The following TLK1 variants were observed in gnomAD, a reference collection of about 807,000 sequenced individuals.
The protein encoded by TLK1 is serine/threonine-protein kinase tousled-like 1.
A neutral mutation model predicts 105.3 loss-of-function variants in TLK1; 24 were observed. The observed-to-expected ratio is 0.23, with a 90% confidence interval of 0.17 to 0.32. TLK1 has a LOEUF of 0.32. TLK1 is among the 10% of genes least tolerant of loss of function. The probability of loss-of-function intolerance (pLI) is 1.00; values close to 1 mark genes in which losing one functional copy is unlikely to be tolerated. For synonymous variants in TLK1, 321 were observed against 310.4 expected (o/e 1.03, Z -0.36); for missense variants, 558 against 910.5 (o/e 0.61, Z 4.98).
At chr2:171,160,991 G>T (rs1692477877), upstream of TLK1, 2 of 193,240 alleles carry the variant, frequency 1.0e-5, no homozygotes, top group Non-Finnish European at 2.0e-5. This position sits in a 1 kb window ranked among gnomAD's most constrained non-coding sequence, Gnocchi z 4.4. Flanking sequence ...GGCGGCGGCA[G>T]CGGCGGCCGC....
intron 1 of TLK1, among the ~76,000 whole-genome samples, chr2:171,211,533 T>C (rs557610288): frequency 1.3e-5 from 2 of 151,236 alleles, no homozygotes; most frequent in South Asian, 4.2e-4. Flanking sequence ...ATGTATCTAG[T>C]GATATCTGAG....
At chr2:171,009,856 A>C (rs1032714567) in intron 14 of TLK1, among the ~76,000 whole-genome samples, 1 of 152,226 alleles carries the variant, frequency 6.6e-6, no homozygotes, top group African/African-American at 2.4e-5. Flanking sequence ...GCCAGTACGT[A>C]ATGAAGCACA....
intron 11 of TLK1, among the ~76,000 whole-genome samples, chr2:171,030,887 T>G (rs940986680): frequency 6.6e-6 from 1 of 152,162 alleles, no homozygotes; most frequent in East Asian, 1.9e-4. Flanking sequence ...TTGGCTATCA[T>G]GTATAACTGC....
At chr2:171,020,529 G>A (rs1423677864) in intron 12 of TLK1, among the ~76,000 whole-genome samples, 1 of 146,424 alleles carries the variant, frequency 6.8e-6, no homozygotes, top group Non-Finnish European at 1.5e-5. Flanking sequence ...GACACAGCGA[G>A]ACTGTCTAAA....
chr2:171,001,798 GAAT>G (rs1291139590), intron 18 of TLK1, among the ~76,000 whole-genome samples: 2 of 151,942 alleles, frequency 1.3e-5, no homozygotes, highest in Admixed American at 1.3e-4. Flanking sequence ...ATTCATGAAT[GAAT>G]GAGACCGAAT....
chr2:171,051,549 G>A (rs1401606610), intron 8 of TLK1, among the ~76,000 whole-genome samples: 1 of 152,110 alleles, frequency 6.6e-6, no homozygotes, highest in Non-Finnish European at 1.5e-5. Flanking sequence ...TGTGACCTTT[G>A]AGATATAAGC....
chr2:171,139,738 T>C lies in TLK1; in HGVS notation c.139+20552A>G, dbSNP rs574086842. Among the ~76,000 whole-genome samples, 112 of 141,588 alleles carry C rather than the reference T, an allele frequency of 7.9e-4. 1 individual carries two copies. The highest frequency in any genetic ancestry group is 8.7e-4 in the Non-Finnish European group (57 of 65,862). The allele number at this position is 141,588 out of a possible 152,430, so 92.9% of individuals were successfully genotyped here. The stretch of plus-strand genomic sequence containing the variant: ...AAGTTGGTCCTATTCAAACTCTGTA[T>C]ATAACCCAGTGGTCCCCAACCTTTT... On this transcript the variant is annotated intron_variant, in intron 1 of 20. Transcript: ENST00000431350.
chr2:171,018,566 T>C (rs1233431796), intron 12 of TLK1, among the ~76,000 whole-genome samples: 2 of 152,288 alleles, frequency 1.3e-5, no homozygotes, highest in Middle Eastern at 3.4e-3. Flanking sequence ...TCAGAAATAA[T>C]CTTTTTCCAA....
In TLK1 at chr2:170,993,876, G is replaced by C; in HGVS notation, c.2205C>G (p.Leu735=). The C allele has an allele frequency of 1.9e-6, 3 of 1,613,028 alleles. No homozygotes were observed. Among genetic ancestry groups the C allele is most frequent in the East Asian group, 2.2e-5 (1 of 44,796 alleles). Residue 735 remains leucine, a synonymous_variant, in exon 21 of 21, where the codon CTC becomes CTG. Transcript: ENST00000431350. ...VHQLANDPYL[L]PHMRRSNSSG... Reference sequence around the variant, plus strand: ...AAGAATTTGATCTTCTCATGTGTGGGAGAAGGTATGGGTCATTTGCCAGCT... The same window carrying C: ...AAGAATTTGATCTTCTCATGTGTGGCAGAAGGTATGGGTCATTTGCCAGCT...
chr2:171,132,913 T>G (rs1308733274), intron 1 of TLK1, among the ~76,000 whole-genome samples: 2 of 152,150 alleles, frequency 1.3e-5, no homozygotes, highest in Non-Finnish European at 2.9e-5. Context: ...CACCACACAG[T>G]TAACTCTCAG....
intron 18 of TLK1, 63 bp downstream of exon 18, chr2:171,006,084 A>G (rs1684639473): frequency 7.0e-7 from 1 of 1,422,498 alleles, no homozygotes; most frequent in Middle Eastern, 1.9e-4. Context: ...AAAAAACACT[A>G]AATTATTATA....
chr2:171,219,209 G>A (rs1575663302), intron 1 of TLK1, among the ~76,000 whole-genome samples: 1 of 152,180 alleles, frequency 6.6e-6, no homozygotes, highest in African/African-American at 2.4e-5. Flanking sequence ...CCAAAAGCAA[G>A]GTGTTGGCAG....
intron 7 of TLK1, chr2:171,054,853 TA>T: frequency 3.3e-6 from 1 of 307,246 alleles, no homozygotes. Flanking sequence ...AAAGAATCAG[TA>T]AACAGAACTG....
chr2:171,079,651 T>C (rs1429487927), intron 3 of TLK1, among the ~76,000 whole-genome samples: 1 of 152,222 alleles, frequency 6.6e-6, no homozygotes, highest in Non-Finnish European at 1.5e-5. Flanking sequence ...GGAAAAACTT[T>C]TTCATTCTAT....
intron 2 of TLK1, among the ~76,000 whole-genome samples, chr2:171,088,218 G>T (rs1689067497): frequency 6.6e-6 from 1 of 152,148 alleles, no homozygotes. Flanking sequence ...AGCAGTCCCA[G>T]CTACTCAGGA....
chr2:171,007,158 G>C, intron 14 of TLK1, 95 bp from the exon 15 acceptor site: 1 of 938,644 alleles, frequency 1.1e-6, no homozygotes, highest in Non-Finnish European at 1.6e-6. Flanking sequence ...CAATAATATG[G>C]AATTAGGACA....
chr2:171,038,788 A>G (rs7593186), intron 11 of TLK1, among the ~76,000 whole-genome samples: 27,650 of 152,162 alleles, frequency 0.18, 2,938 homozygotes, highest in Non-Finnish European at 0.24. Flanking sequence ...TTAAAAGAAC[A>G]TGTATTCTGC....
At chr2:171,072,305 A>G (rs1688298489) in intron 3 of TLK1, among the ~76,000 whole-genome samples, 1 of 152,160 alleles carries the variant, frequency 6.6e-6, no homozygotes, top group South Asian at 2.1e-4. Context: ...TTGTAGAGAT[A>G]TTTTACTACT....
chr2:171,004,440 T>C (rs1357105255), intron 18 of TLK1, among the ~76,000 whole-genome samples: 1 of 152,288 alleles, frequency 6.6e-6, no homozygotes, highest in Admixed American at 6.5e-5. Flanking sequence ...ACAACTAATA[T>C]GACTGTAGAC....
Sources: allele counts gnomAD v4.1 joint callset (sites outside exome capture counted in the v4.1 genomes callset), GRCh38; gene constraint gnomAD v4.1.1; non-coding constraint Gnocchi (gnomAD v3.1); transcripts MANE v1.5; gene names NCBI Gene and HGNC (gene_info 2026-07-23, HGNC 2026-07-21).